MAML3: variants seen among roughly 807,000 people sequenced by gnomAD.
MAML3 encodes mastermind like transcriptional coactivator 3.
In MAML3, 27 loss-of-function variants were observed where a neutral mutation model predicts 101.9. That is an observed-to-expected ratio of 0.27 (90% CI 0.20 to 0.37). The LOEUF (loss-of-function observed/expected upper bound fraction) is 0.37. Ranked by LOEUF, MAML3 falls within the 10% of genes least tolerant of loss-of-function variation. MAML3 has a pLI of 1.00. For synonymous variants in MAML3, 501 were observed against 555.9 expected, an observed-to-expected ratio of 0.90 and a Z score of 1.39; for missense variants, 1,316 against 1,444.9, an observed-to-expected ratio of 0.91 and a Z score of 1.45.
At chr4:139,859,171 T>C (rs935574798) in intron 2 of MAML3, among the ~76,000 whole-genome samples, 7 of 151,790 alleles carry the variant, frequency 4.6e-5, no homozygotes, top group African/African-American at 1.7e-4. Flanking sequence ...AGGAAAAACA[T>C]GAAAAACATC....
intron 2 of MAML3, among the ~76,000 whole-genome samples, chr4:139,783,374 T>C (rs1415833762): frequency 6.6e-6 from 1 of 152,200 alleles, no homozygotes; most frequent in Non-Finnish European, 1.5e-5. Flanking sequence ...AAAAGTGGTG[T>C]CTACACATCA....
chr4:139,805,116 G>A (rs1027745548), intron 2 of MAML3, among the ~76,000 whole-genome samples: 5 of 152,176 alleles, frequency 3.3e-5, no homozygotes, highest in South Asian at 2.1e-4. Context: ...ACCGGGAGGC[G>A]GAGGTTGCGG....
Position 139,719,324 on chromosome 4 carries a change from T to G in MAML3, c.3416A>C (p.Ter1139SerextTer15). The G allele has an allele frequency of 1.3e-6, 2 of 1,578,610 alleles. No homozygotes were observed. The highest frequency in any genetic ancestry group is 1.7e-6 in the Non-Finnish European group (2 of 1,159,878). Residue 1139 changes from the stop codon to serine (S), a stop_lost, in exon 5 of 5, where the codon TAA becomes TCA. Coordinates refer to ENST00000509479, the MANE Select transcript of MAML3 (RefSeq NM_018717.5). ...TGTGGATCTTGGGGCCTCTCTTGAT[T>G]AGGGGTTACCAAACAATTCATCAAG... ...QELDELFGNP[*>S]
At chr4:139,809,388 C>T (rs568055254) in intron 2 of MAML3, among the ~76,000 whole-genome samples, 19 of 152,256 alleles carry the variant, frequency 1.2e-4, no homozygotes, top group East Asian at 9.6e-4. Context: ...CTAGCTTATG[C>T]GGGATTGGAA....
intron 1 of MAML3, among the ~76,000 whole-genome samples, chr4:139,983,178 T>C (rs1456488735): frequency 1.3e-5 from 2 of 152,198 alleles, no homozygotes; most frequent in African/African-American, 2.4e-5. Context: ...TTTTGACAAA[T>C]GTAGTGTCAC....
chr4:140,002,700 T>C (rs1011955323), intron 1 of MAML3, among the ~76,000 whole-genome samples: 2 of 152,192 alleles, frequency 1.3e-5, no homozygotes, highest in African/African-American at 4.8e-5. Context: ...TCAAGGATAA[T>C]ATGCCCTGGA....
At chr4:139,881,700 A>G (rs971190496) in intron 2 of MAML3, among the ~76,000 whole-genome samples, 9 of 152,136 alleles carry the variant, frequency 5.9e-5, no homozygotes, top group African/African-American at 2.2e-4. Flanking sequence ...GGAAAGCTTA[A>G]TTGTATTTAT....
intron 1 of MAML3, among the ~76,000 whole-genome samples, chr4:140,147,963 C>G (rs1355239194): frequency 6.6e-6 from 1 of 151,906 alleles, no homozygotes; most frequent in Non-Finnish European, 1.5e-5. Flanking sequence ...AGAGAAATGC[C>G]TTATATTCCT....
At chr4:139,725,466 G>A (rs1355019189) in intron 4 of MAML3, among the ~76,000 whole-genome samples, 1 of 152,102 alleles carries the variant, frequency 6.6e-6, no homozygotes, top group Non-Finnish European at 1.5e-5. Context: ...TGTACCTTTG[G>A]TAAAGAACAG....
intron 2 of MAML3, among the ~76,000 whole-genome samples, chr4:139,871,301 T>G (rs192267518): frequency 6.6e-6 from 1 of 152,314 alleles, no homozygotes; most frequent in Non-Finnish European, 1.5e-5. Context: ...AAATGACAAT[T>G]AAGCCAATTA....
At chr4:139,812,236 G>A (rs966104234) in intron 2 of MAML3, among the ~76,000 whole-genome samples, 3 of 152,158 alleles carry the variant, frequency 2.0e-5, no homozygotes, top group African/African-American at 7.2e-5. Flanking sequence ...ACCAGAGCAA[G>A]ACTCTGTCTC....
At chr4:139,783,517 T>C (rs1730253455) in intron 2 of MAML3, among the ~76,000 whole-genome samples, 1 of 152,206 alleles carries the variant, frequency 6.6e-6, no homozygotes, top group African/African-American at 2.4e-5. Flanking sequence ...GCCTTTCTGC[T>C]TCCAAGTGTC....
At chr4:139,723,821 C>T (rs943404023) in intron 4 of MAML3, among the ~76,000 whole-genome samples, 9 of 152,168 alleles carry the variant, frequency 5.9e-5, no homozygotes, top group African/African-American at 1.4e-4. Flanking sequence ...AGCTCTCAAG[C>T]GTGGTTCCCT....
At chr4:140,094,647 G>A (rs758718753) in intron 1 of MAML3, among the ~76,000 whole-genome samples, 1 of 152,158 alleles carries the variant, frequency 6.6e-6, no homozygotes, top group Non-Finnish European at 1.5e-5. Flanking sequence ...TAAGATAGCC[G>A]GTGGCCAACG....
chr4:139,866,769 C>T (rs1487556116), intron 2 of MAML3, among the ~76,000 whole-genome samples: 5 of 152,290 alleles, frequency 3.3e-5, no homozygotes, highest in East Asian at 1.9e-4. Context: ...TCCAGTTTGA[C>T]GCTAATGATT....
chr4:140,145,903 TACTC>T (rs1729055568), intron 1 of MAML3, among the ~76,000 whole-genome samples: 1 of 36,592 alleles, frequency 2.7e-5, no homozygotes. Context: ...GAAGGATTTT[TACTC>T]TTGTTGCCCA....
intron 1 of MAML3, among the ~76,000 whole-genome samples, chr4:140,002,206 C>A (rs954087365): frequency 3.3e-5 from 5 of 152,144 alleles, no homozygotes; most frequent in Admixed American, 6.5e-5. Flanking sequence ...ACAACTCTCA[C>A]CCCCTCCCAC....
chr4:139,962,718 GAAA>G (rs879902509), intron 1 of MAML3, among the ~76,000 whole-genome samples: 1 of 152,144 alleles, frequency 6.6e-6, no homozygotes, highest in Non-Finnish European at 1.5e-5. Flanking sequence ...TAAAAACCAA[GAAA>G]AAGAGAGGAA....
chr4:140,023,057 C>T (rs1358159240), intron 1 of MAML3, among the ~76,000 whole-genome samples: 1 of 152,180 alleles, frequency 6.6e-6, no homozygotes, highest in African/African-American at 2.4e-5. Flanking sequence ...TCTGAGACAT[C>T]TTGCAGGAAA....
Sources: allele counts gnomAD v4.1 joint callset (sites outside exome capture counted in the v4.1 genomes callset), GRCh38; gene constraint gnomAD v4.1.1; transcripts MANE v1.5; gene names NCBI Gene and HGNC (gene_info 2026-07-23, HGNC 2026-07-21).